The following ANKRD30BL variants were observed in gnomAD, a reference collection of about 807,000 sequenced individuals.
ANKRD30BL encodes the protein putative ankyrin repeat domain-containing protein 30B-like.
Under a neutral mutation model 18.4 loss-of-function variants are expected in ANKRD30BL, and 20 were observed. The observed-to-expected ratio is 1.09, with a 90% CI of 0.77 to 1.58. The LOEUF (loss-of-function observed/expected upper bound fraction) is 1.58, where lower values mean the gene tolerates loss of function less well. Among genes scored for constraint, ANKRD30BL ranks in the 40% most tolerant of loss-of-function variants. ANKRD30BL has a pLI of 0.00. For synonymous variants in ANKRD30BL, 72 were observed against 100.9 expected (o/e 0.71, Z 1.72); for missense variants, 224 against 268.6 (o/e 0.83, Z 1.16).
chr2:132,223,733 G>A (rs111280632), intron 1 of ANKRD30BL, among the ~76,000 whole-genome samples: 1 of 151,162 alleles, frequency 6.6e-6, no homozygotes, highest in African/African-American at 2.4e-5. Context: ...CACTCTTTTT[G>A]CAGAATCTGC....
At chr2:132,236,189 C>G (rs1375315613) in intron 1 of ANKRD30BL, among the ~76,000 whole-genome samples, 3 of 152,044 alleles carry the variant, frequency 2.0e-5, no homozygotes, top group Non-Finnish European at 4.4e-5. Flanking sequence ...AAAATCAATT[C>G]AAGATGGATT....
At chr2:132,154,573 G>T in intron 4 of ANKRD30BL, 89 bp downstream of exon 4, 2 of 520,966 alleles carry the variant, frequency 3.8e-6, no homozygotes, top group Non-Finnish European at 6.9e-6. Flanking sequence ...ATAATTTTAA[G>T]TAAATGTTAC....
At chr2:132,156,247 G>T (rs972541811) in intron 3 of ANKRD30BL, 1 of 151,986 alleles carries the variant, frequency 6.6e-6, no homozygotes, top group Non-Finnish European at 1.5e-5. Context: ...AGGCTTAAAG[G>T]CTTTCTAATA....
At chr2:132,195,543 C>T (rs1012616757) in intron 1 of ANKRD30BL, among the ~76,000 whole-genome samples, 5 of 151,860 alleles carry the variant, frequency 3.3e-5, no homozygotes, top group African/African-American at 1.2e-4. Context: ...GTAATCCCAG[C>T]ACCTTGGGAG....
At position 132,161,752 on chromosome 2, in the gene ANKRD30BL, C is replaced by T. The variant is rs1345689654; in HGVS notation, c.-47G>A. On this transcript the variant is annotated 5_prime_UTR_variant, in exon 1 of 6. Transcript: ENST00000409867. ...AGAGCCCGTGCCTCCCGCTGCTCGC[C>T]CTTCCCCAGTCCCCGCCGCTCGCCC... is the stretch of plus-strand genomic sequence containing the variant. 1 of 864,618 alleles carries T rather than the reference C, an allele frequency of 1.2e-6. No individual in the cohort carries two copies. Among genetic ancestry groups the T allele is most frequent in the Non-Finnish European group, 1.9e-6 (1 of 529,568 alleles). 53.6% of individuals were successfully genotyped at this position (864,618 alleles called of 1,614,324 possible). A position where few individuals can be genotyped will look rare whatever the true frequency, so the allele number is the denominator to read the frequency against.
intron 1 of ANKRD30BL, among the ~76,000 whole-genome samples, chr2:132,246,690 A>T (rs1680509063): frequency 6.6e-6 from 1 of 152,054 alleles, no homozygotes; most frequent in African/African-American, 2.4e-5. Context: ...TGATGCTTGC[A>T]TTCAACTCAC....
chr2:132,221,905 T>G (rs371462825), intron 1 of ANKRD30BL, among the ~76,000 whole-genome samples: 1 of 88,968 alleles, frequency 1.1e-5, no homozygotes, highest in Non-Finnish European at 2.0e-5. Flanking sequence ...CCGCCCCGTC[T>G]GGGAGGGAGG....
At chr2:132,187,308 C>T (rs900220757) in intron 1 of ANKRD30BL, among the ~76,000 whole-genome samples, 45 of 144,414 alleles carry the variant, frequency 3.1e-4, no homozygotes, top group Admixed American at 1.1e-3. Flanking sequence ...ATTCTCTTGT[C>T]TCAGCCTCTG....
At chr2:132,187,267 T>A (rs1688582573) in intron 1 of ANKRD30BL, among the ~76,000 whole-genome samples, 2 of 148,916 alleles carry the variant, frequency 1.3e-5, no homozygotes, top group Admixed American at 1.3e-4. Context: ...GATCTCGGCT[T>A]GCTGTAACTT....
intron 1 of ANKRD30BL, among the ~76,000 whole-genome samples, chr2:132,191,385 T>C (rs1242679492): frequency 1.3e-5 from 2 of 152,112 alleles, no homozygotes; most frequent in Non-Finnish European, 2.9e-5. Context: ...TGTATGCACA[T>C]GTTTTCATTT....
intron 1 of ANKRD30BL, among the ~76,000 whole-genome samples, chr2:132,251,633 T>C (rs541115062): frequency 1.3e-5 from 2 of 152,308 alleles, no homozygotes; most frequent in Admixed American, 6.5e-5. Flanking sequence ...TTAACATTCA[T>C]CTGTTTTATG....
chr2:132,187,733 C>G (rs1378980610), intron 1 of ANKRD30BL, among the ~76,000 whole-genome samples: 1 of 151,492 alleles, frequency 6.6e-6, no homozygotes, highest in East Asian at 1.9e-4. Context: ...TCTACTTAAA[C>G]ATAAAATTCC....
At chr2:132,214,824 G>T (rs571030571) in intron 1 of ANKRD30BL, among the ~76,000 whole-genome samples, 1 of 151,566 alleles carries the variant, frequency 6.6e-6, no homozygotes, top group Non-Finnish European at 1.5e-5. Context: ...GAGGCCTATG[G>T]TGAAAAGGAA....
intron 3 of ANKRD30BL, chr2:132,155,688 AG>A (rs1687883675): frequency 6.6e-6 from 1 of 152,194 alleles, no homozygotes; most frequent in African/African-American, 2.4e-5. Flanking sequence ...TCACAAGGTC[AG>A]GAGATCGAGA....
At chr2:132,217,230 C>A (rs544548847) in intron 1 of ANKRD30BL, among the ~76,000 whole-genome samples, 3,158 of 151,798 alleles carry the variant, frequency 0.021, 91 homozygotes, top group African/African-American at 0.072. Flanking sequence ...ATATTTGGAC[C>A]ACTTTGAGGC....
chr2:132,153,503 A>C (rs1659157284), intron 4 of ANKRD30BL: 3 of 474,214 alleles, frequency 6.3e-6, no homozygotes, highest in South Asian at 3.1e-5. Context: ...TCATTCAAAA[A>C]CTACCTGAAA....
At chr2:132,243,435 G>A (rs771888512) in intron 1 of ANKRD30BL, among the ~76,000 whole-genome samples, 4 of 151,554 alleles carry the variant, frequency 2.6e-5, no homozygotes, top group Non-Finnish European at 5.9e-5. Flanking sequence ...AAATTACATT[G>A]TGATGTGTGT....
At chr2:132,162,629 G>A (rs1390536962), upstream of ANKRD30BL, among the ~76,000 whole-genome samples, 10 of 152,096 alleles carry the variant, frequency 6.6e-5, no homozygotes, top group Non-Finnish European at 1.3e-4. Flanking sequence ...AGGTTCGGGG[G>A]TTGCCACCGC....
At chr2:132,202,509 C>T (rs1308667413) in intron 1 of ANKRD30BL, among the ~76,000 whole-genome samples, 3 of 147,254 alleles carry the variant, frequency 2.0e-5, no homozygotes, top group East Asian at 2.0e-4. Flanking sequence ...TCAGAAATTT[C>T]AAAAAAATAA....
Sources: allele counts gnomAD v4.1 joint callset (sites outside exome capture counted in the v4.1 genomes callset), GRCh38; gene constraint gnomAD v4.1.1; transcripts MANE v1.5; gene names NCBI Gene and HGNC (gene_info 2026-07-23, HGNC 2026-07-21).